SLC17A1: variants seen among roughly 807,000 people sequenced by gnomAD.
SLC17A1 encodes the protein solute carrier family 17 member 1, also known as sodium-dependent phosphate transport protein 1.
A neutral mutation model predicts 53.5 loss-of-function variants in SLC17A1; 51 were observed. The observed-to-expected ratio is 0.95, with a 90% CI of 0.76 to 1.20. The LOEUF is 1.20. SLC17A1 is among the 50% of genes most tolerant of loss of function. The pLI is 0.00. For synonymous variants in SLC17A1, 179 were observed against 198.8 expected, an observed-to-expected ratio of 0.90 and a Z score of 0.84; for missense variants, 538 against 568.2, an observed-to-expected ratio of 0.95 and a Z score of 0.54.
chr6:25,818,016 T>C (rs1431022617), intron 6 of SLC17A1, among the ~76,000 whole-genome samples: 1 of 152,160 alleles, frequency 6.6e-6, no homozygotes, highest in Non-Finnish European at 1.5e-5. Context: ...CTGTATATAT[T>C]GGATGTCTTC....
At chr6:25,773,758 T>C in the SLC17A1 span, 2 of 1,453,392 alleles carry the variant, frequency 1.4e-6, no homozygotes, top group African/African-American at 1.4e-5. Flanking sequence ...GTCTGTCCCA[T>C]AGTCACAAAA....
chr6:25,756,605 G>C, the SLC17A1 span, among the ~76,000 whole-genome samples: 71 of 152,260 alleles, frequency 4.7e-4, no homozygotes, highest in African/African-American at 1.7e-3. Context: ...ACCCTCGGCT[G>C]TCTGTTCCCA....
chr6:25,748,099 C>T, the SLC17A1 span, among the ~76,000 whole-genome samples: 10 of 152,082 alleles, frequency 6.6e-5, no homozygotes, highest in Non-Finnish European at 1.2e-4. Context: ...GCCAAATATA[C>T]CTTAACCTAA....
the SLC17A1 span, among the ~76,000 whole-genome samples, chr6:25,775,111 T>C: frequency 6.6e-6 from 1 of 152,090 alleles, no homozygotes; most frequent in Non-Finnish European, 1.5e-5. Context: ...AGGTGGATCA[T>C]CTGAGGTCAG....
chr6:25,826,252 TAGA>T (rs1384005650), intron 3 of SLC17A1, among the ~76,000 whole-genome samples: 3 of 152,132 alleles, frequency 2.0e-5, no homozygotes, highest in Non-Finnish European at 4.4e-5. Context: ...CTCTCTCACA[TAGA>T]AGGATTTACA....
At chr6:25,752,737 G>T in the SLC17A1 span, among the ~76,000 whole-genome samples, 1 of 152,142 alleles carries the variant, frequency 6.6e-6, no homozygotes, top group Non-Finnish European at 1.5e-5. Context: ...CGGATCACAA[G>T]GTCAGGAGAT....
chr6:25,811,864 T>C lies in SLC17A1; in HGVS notation c.898-94A>G, dbSNP rs1182980508. On this transcript the variant is annotated intron_variant, in intron 8 of 12. Coordinates refer to ENST00000244527, the MANE Select transcript of SLC17A1 (RefSeq NM_005074.5). Reference sequence around the variant, plus strand: ...CTATGCTAAAATTTATTATCTAAAATGTGTACTTTCATATAGGAAATCATC... The same window carrying C: ...CTATGCTAAAATTTATTATCTAAAACGTGTACTTTCATATAGGAAATCATC... 42 of 1,339,482 alleles carry C rather than the reference T, an allele frequency of 3.1e-5. No individual in the cohort carries two copies. In the East Asian group the frequency reaches 9.7e-4, roughly 31 times the overall value. 83.0% of individuals were successfully genotyped at this position (1,339,482 alleles called of 1,614,324 possible). A position where few individuals can be genotyped will look rare whatever the true frequency, so the allele number is the denominator to read the frequency against.
intron 2 of SLC17A1, among the ~76,000 whole-genome samples, 190 bp downstream of exon 2, chr6:25,830,334 A>C (rs1231173782): frequency 2.0e-5 from 3 of 152,206 alleles, no homozygotes; most frequent in Admixed American, 6.5e-5. Context: ...AAGCCACCAG[A>C]GTATGTAGAA....
the SLC17A1 span, chr6:25,773,169 T>G: frequency 1.2e-6 from 1 of 827,246 alleles, no homozygotes; most frequent in Non-Finnish European, 2.1e-6. Context: ...CCAGGAAGAG[T>G]GGTGTACTGA....
In SLC17A1 at chr6:25,830,424, A is replaced by AC. The variant is rs1764904554; in HGVS notation, c.34+99dup. The AC allele has an allele frequency of 4.6e-6, 4 of 868,698 alleles. No individual in the cohort carries two copies. The Admixed American group carries it at 5.4e-5, about 12-fold the overall frequency. The allele number at this position is 868,698 out of a possible 1,614,324, so 53.8% of individuals were successfully genotyped here. On this transcript the variant is annotated intron_variant, in intron 2 of 12. Transcript: ENST00000244527. Reference sequence around the variant, plus strand: ...ACCTTCTTTTCTGAACATTTTTAAGACCCCATATGTATATCACAAAAATAT... The same window carrying AC: ...ACCTTCTTTTCTGAACATTTTTAAGACCCCCATATGTATATCACAAAAATAT...
At chr6:25,777,000 C>A in the SLC17A1 span, 1 of 1,565,750 alleles carries the variant, frequency 6.4e-7, no homozygotes, top group South Asian at 1.2e-5. Flanking sequence ...ACACTCAATT[C>A]AAGTCTAGCA....
At chr6:25,780,433 G>A (rs41271827), downstream of SLC17A1, 15,904 of 152,242 alleles carry the variant, frequency 0.1, 1,048 homozygotes, top group Middle Eastern at 0.16. Context: ...GCTGAGCTGG[G>A]ATCTGAAGGA....
chr6:25,774,598 G>T, the SLC17A1 span, among the ~76,000 whole-genome samples: 1 of 152,162 alleles, frequency 6.6e-6, no homozygotes, highest in Non-Finnish European at 1.5e-5. Context: ...CTTAATCCAG[G>T]GGATTGGGAC....
chr6:25,726,466 C>A, the SLC17A1 span: 100 of 1,613,856 alleles, frequency 6.2e-5, no homozygotes, highest in Admixed American at 8.3e-5. Flanking sequence ...CAAACCCGCT[C>A]TAGAAGAGCG....
intron 6 of SLC17A1, among the ~76,000 whole-genome samples, chr6:25,814,501 T>C (rs1764266693): frequency 6.6e-6 from 1 of 152,190 alleles, no homozygotes; most frequent in African/African-American, 2.4e-5. Context: ...ATGAATTATA[T>C]TGTCCAGGGA....
At chr6:25,826,186 T>C (rs570992167) in intron 3 of SLC17A1, among the ~76,000 whole-genome samples, 59 of 152,252 alleles carry the variant, frequency 3.9e-4, no homozygotes, top group African/African-American at 1.4e-3. Context: ...TTTCCCTTTT[T>C]TTCCTCTTGT....
intron 2 of SLC17A1, among the ~76,000 whole-genome samples, chr6:25,826,921 C>T (rs908320292): frequency 2.0e-5 from 3 of 152,044 alleles, no homozygotes; most frequent in South Asian, 2.1e-4. Flanking sequence ...TATAAATACC[C>T]TGTGTTACTC....
the SLC17A1 span, among the ~76,000 whole-genome samples, chr6:25,763,329 C>T: frequency 8.7e-3 from 1,325 of 152,304 alleles, 27 homozygotes; most frequent in East Asian, 0.066. Context: ...TAGTCTCATC[C>T]TACCTAATAA....
chr6:25,815,284 A>T (rs1220421105), intron 6 of SLC17A1, among the ~76,000 whole-genome samples: 6 of 151,906 alleles, frequency 3.9e-5, no homozygotes, highest in Non-Finnish European at 8.8e-5. Context: ...AAAATTAGAA[A>T]AAATATTTAA....
Sources: gnomAD v4.1 joint callset for allele counts (sites outside exome capture counted in the v4.1 genomes callset) on GRCh38, gnomAD v4.1.1 for gene constraint, MANE v1.5 for transcripts, NCBI Gene and HGNC (gene_info 2026-07-23, HGNC 2026-07-21) for gene names.